The following SNTG1 variants were observed in gnomAD, a reference collection of about 807,000 sequenced individuals.
SNTG1 encodes the protein syntrophin gamma 1.
In SNTG1, 39 loss-of-function variants were observed where a neutral mutation model predicts 74.7. The observed-to-expected ratio is 0.52, with a 90% CI of 0.40 to 0.68. The LOEUF is 0.68. Among genes scored for constraint, SNTG1 ranks in the 30% least tolerant of loss-of-function variants. SNTG1 has a pLI of 0.00. For missense variants in SNTG1, 685 were observed against 609.5 expected, an observed-to-expected ratio of 1.12 and a Z score of -1.30; for synonymous variants, 254 against 217.1, an observed-to-expected ratio of 1.17 and a Z score of -1.49.
rs527399096 is a variant in SNTG1, at chr8:50,419,676, A to G, written c.162+17332A>G. Among the ~76,000 whole-genome samples the G allele has an allele frequency of 1.6e-4, 25 of 152,250 alleles. No homozygotes were observed. The South Asian group carries it at 5.2e-3, about 32-fold the overall frequency. ...CACCTATCACCAGCAGAAACAAGAA[A>G]ATTCTCACCTTGAATGAGAAGCAAT... On this transcript the variant is annotated intron_variant, in intron 4 of 18. Transcript: ENST00000642720.
chr8:49,963,724 C>T (rs1193356188), intron 1 of SNTG1, among the ~76,000 whole-genome samples: 1 of 152,182 alleles, frequency 6.6e-6, no homozygotes, highest in East Asian at 1.9e-4. Flanking sequence ...TGTTTAATCT[C>T]AAATGCATGT....
At chr8:50,057,229 T>G (rs1435576175) in intron 1 of SNTG1, among the ~76,000 whole-genome samples, 3 of 152,072 alleles carry the variant, frequency 2.0e-5, no homozygotes, top group Non-Finnish European at 4.4e-5. Context: ...GTCATATGCG[T>G]TCATCTTTTG....
chr8:50,580,983 T>C (rs988173661), intron 12 of SNTG1, among the ~76,000 whole-genome samples: 86 of 152,300 alleles, frequency 5.6e-4, no homozygotes, highest in Admixed American at 4.7e-3. Flanking sequence ...ATTTGAATTA[T>C]ATGTGATTTT....
At chr8:50,326,874 T>C (rs888515548) in intron 2 of SNTG1, among the ~76,000 whole-genome samples, 1 of 152,120 alleles carries the variant, frequency 6.6e-6, no homozygotes, top group African/African-American at 2.4e-5. Context: ...CCACACACTT[T>C]GAAAAGTGGC....
At chr8:50,672,819 G>T (rs532639077) in intron 15 of SNTG1, among the ~76,000 whole-genome samples, 2 of 152,104 alleles carry the variant, frequency 1.3e-5, no homozygotes, top group South Asian at 2.1e-4. Flanking sequence ...TATGATTTTG[G>T]GTTTTACATT....
Position 50,694,753 on chromosome 8 carries a change from C to G in SNTG1, c.1039-9847C>G, listed in dbSNP as rs930838017. 2.0e-5 allele frequency among the ~76,000 whole-genome samples: 3 copies of G among 151,898 alleles called. No homozygotes were observed. In the South Asian group the frequency reaches 6.2e-4, roughly 32 times the overall value. The stretch of plus-strand genomic sequence containing the variant: ...TACCATGATCAAGTGGGATTTATCC[C>G]TGGAATGCAAAGATGGTTCAACATT... On this transcript the variant is annotated intron_variant, in intron 15 of 18. Transcript: ENST00000642720.
At chr8:50,544,299 T>C (rs1290704282) in intron 11 of SNTG1, among the ~76,000 whole-genome samples, 2 of 152,048 alleles carry the variant, frequency 1.3e-5, no homozygotes, top group African/African-American at 4.8e-5. Context: ...TTAATTCCTT[T>C]GTTTTTTCTT....
chr8:50,417,176 A>G (rs1259919096), intron 4 of SNTG1, among the ~76,000 whole-genome samples: 2 of 152,300 alleles, frequency 1.3e-5, no homozygotes, highest in East Asian at 1.9e-4. Flanking sequence ...TCTAAGTGAC[A>G]TCAATAAAAT....
intron 2 of SNTG1, among the ~76,000 whole-genome samples, chr8:50,390,031 GT>G (rs533220451): frequency 5.5e-4 from 83 of 152,118 alleles, no homozygotes; most frequent in Middle Eastern, 6.8e-3. Context: ...CATTCTCTAG[GT>G]TGTCTGTTCA....
intron 17 of SNTG1, among the ~76,000 whole-genome samples, chr8:50,715,892 T>C (rs1160838563): frequency 6.6e-6 from 1 of 152,238 alleles, no homozygotes; most frequent in Non-Finnish European, 1.5e-5. Context: ...ACATTTTAAG[T>C]TCATGAAATA....
intron 1 of SNTG1, among the ~76,000 whole-genome samples, chr8:50,104,458 CTTT>C (rs2080285694): frequency 6.6e-6 from 1 of 151,966 alleles, no homozygotes; most frequent in African/African-American, 2.4e-5. Context: ...CTCTTTTCTT[CTTT>C]ATTAGTCTTG....
At chr8:50,050,275 T>C (rs1430217470) in intron 1 of SNTG1, among the ~76,000 whole-genome samples, 4 of 151,912 alleles carry the variant, frequency 2.6e-5, no homozygotes, top group African/African-American at 9.7e-5. Flanking sequence ...GCCATCATTA[T>C]TGATCTCATG....
intron 2 of SNTG1, among the ~76,000 whole-genome samples, chr8:50,272,216 C>G (rs1286710743): frequency 6.6e-6 from 1 of 152,200 alleles, no homozygotes; most frequent in East Asian, 1.9e-4. Flanking sequence ...TTGAGGTTTT[C>G]TCAAATGTTT....
chr8:49,911,341 CCT>C (rs373610079), upstream of SNTG1: 2,181 of 148,098 alleles, frequency 0.015, 44 homozygotes, highest in African/African-American at 0.043. Context: ...TCTCTCTCTT[CCT>C]CTCTCTCTCT....
At chr8:50,267,374 C>A (rs2087536323) in intron 2 of SNTG1, among the ~76,000 whole-genome samples, 1 of 152,024 alleles carries the variant, frequency 6.6e-6, no homozygotes, top group Non-Finnish European at 1.5e-5. Flanking sequence ...ATTTCTCCAA[C>A]AATAGTGTAC....
At position 49,927,437 on chromosome 8, in the gene SNTG1, A is replaced by T. The variant is rs552463859; in HGVS notation, c.-103+15206A>T. Among the ~76,000 whole-genome samples, 3 of 152,230 alleles carry T rather than the reference A, an allele frequency of 2.0e-5. No homozygotes were observed. The South Asian group carries it at 6.2e-4, about 32-fold the overall frequency. The stretch of plus-strand genomic sequence containing the variant: ...ATAAATGAGTTAAAATAAATGAGTT[A>T]TTAAGCCATGTAAAGACATGGACTA... On this transcript the variant is annotated intron_variant, in intron 1 of 18. Coordinates refer to ENST00000642720, the MANE Select transcript of SNTG1 (RefSeq NM_018967.5).
intron 8 of SNTG1, among the ~76,000 whole-genome samples, chr8:50,481,342 T>C (rs13280990): frequency 0.72 from 110,169 of 152,056 alleles, 41,529 homozygotes; most frequent in East Asian, 0.84. Flanking sequence ...GATCACGCCA[T>C]TGCACTCCAG....
chr8:50,283,851 T>C (rs1433857381), intron 2 of SNTG1, among the ~76,000 whole-genome samples: 1 of 152,150 alleles, frequency 6.6e-6, no homozygotes, highest in Admixed American at 6.6e-5. Context: ...TTTTCAGATT[T>C]GTGGAAAAAC....
intron 12 of SNTG1, among the ~76,000 whole-genome samples, chr8:50,573,853 C>A (rs1384144785): frequency 1.3e-5 from 2 of 151,542 alleles, no homozygotes; most frequent in East Asian, 1.9e-4. Context: ...ATATAATAGT[C>A]TTATTTCTTT....
Sources: gnomAD v4.1 joint callset for allele counts (sites outside exome capture counted in the v4.1 genomes callset) on GRCh38, gnomAD v4.1.1 for gene constraint, MANE v1.5 for transcripts, NCBI Gene and HGNC (gene_info 2026-07-23, HGNC 2026-07-21) for gene names.